Variants in GPLD1 observed in about 807,000 individuals in gnomAD.
GPLD1 encodes the protein phosphatidylinositol-glycan-specific phospholipase D.
GPLD1 carries 84 observed loss-of-function variants against 112.6 expected under a neutral mutation model. The ratio of observed to expected loss-of-function variants is 0.75; its 90% CI spans 0.63 to 0.89. The LOEUF is 0.89. Ranked by LOEUF, GPLD1 falls within the 40% of genes least tolerant of loss-of-function variation. GPLD1 has a pLI of 0.00. For missense variants in GPLD1, 1,044 were observed against 1,051.5 expected (o/e 0.99, Z 0.10); for synonymous variants, 386 against 403.8 (o/e 0.96, Z 0.53).
intron 5 of GPLD1, among the ~76,000 whole-genome samples, chr6:24,474,514 C>T (rs1289788200): frequency 6.6e-6 from 1 of 152,154 alleles, no homozygotes; most frequent in African/African-American, 2.4e-5. Flanking sequence ...TTAAGATATA[C>T]AGCTTGAATA....
chr6:24,429,052 A>T lies in GPLD1; in HGVS notation c.2503T>A (p.Tyr835Asn). The change falls in exon 25 of 25, where the codon TAT (tyrosine) becomes AAT (asparagine). Residue 835 changes from tyrosine to asparagine, a missense_variant. Transcript: ENST00000230036. ...GARLSGALHV[Y>N]SLGSD ...AATCTTCAATCTGAGCCAAGGCTAT[A>T]GACGTGAAGTGCCCCGGAGAGTCGG... 6.2e-7 allele frequency: 1 copy of T among 1,612,904 alleles called. No homozygotes were observed. Among genetic ancestry groups the T allele is most frequent in the Non-Finnish European group, 8.5e-7 (1 of 1,179,002 alleles).
At chr6:24,455,949 T>G (rs1001075987) in intron 13 of GPLD1, among the ~76,000 whole-genome samples, 2 of 152,082 alleles carry the variant, frequency 1.3e-5, no homozygotes, top group Admixed American at 1.3e-4. Flanking sequence ...CTGAGGCAGG[T>G]GGATCGCTTG....
At chr6:24,485,619 A>G (rs1764345156) in intron 2 of GPLD1, among the ~76,000 whole-genome samples, 2 of 152,160 alleles carry the variant, frequency 1.3e-5, no homozygotes, top group Admixed American at 1.3e-4. Flanking sequence ...AATGTCTTAT[A>G]ACATTAATAA....
chr6:24,470,621 G>C (rs576538456), intron 7 of GPLD1, among the ~76,000 whole-genome samples: 3 of 151,322 alleles, frequency 2.0e-5, no homozygotes, highest in Non-Finnish European at 4.4e-5. Context: ...TTTTTGAGAC[G>C]GAGTTTTGCT....
In GPLD1 at chr6:24,428,590, T is replaced by C. The variant is rs994899086; in HGVS notation, c.*442A>G. 1.3e-5 allele frequency: 2 copies of C among 153,094 alleles called. No homozygotes were observed. Among genetic ancestry groups the C allele is most frequent in the Admixed American group, 1.3e-4 (2 of 15,320 alleles). 9.5% of individuals were successfully genotyped at this position (153,094 alleles called of 1,614,324 possible). A position where few individuals can be genotyped will look rare whatever the true frequency, so the allele number is the denominator to read the frequency against. On this transcript the variant is annotated 3_prime_UTR_variant, in exon 25 of 25. Coordinates refer to ENST00000230036, the MANE Select transcript of GPLD1 (RefSeq NM_001503.4). The stretch of plus-strand genomic sequence containing the variant: ...TGTTCTTTCTTTATGGCTGAACAAT[T>C]CTTTTTTTAAAAAAGGATGTTTTTA...
chr6:24,440,536 G>T (rs1036335929), intron 20 of GPLD1, among the ~76,000 whole-genome samples: 1 of 132,208 alleles, frequency 7.6e-6, no homozygotes, highest in Admixed American at 8.7e-5. Flanking sequence ...AAGATGTCAA[G>T]AAGATCTTTT....
chr6:24,452,380 C>T (rs888918396), intron 14 of GPLD1, among the ~76,000 whole-genome samples: 5 of 152,176 alleles, frequency 3.3e-5, no homozygotes, highest in African/African-American at 7.2e-5. Context: ...GGGACTGTGA[C>T]CTTACACACT....
rs1763651551 is a variant in GPLD1, at chr6:24,467,276, T to C, written c.546-2A>G. 5.4e-6 allele frequency: 8 copies of C among 1,493,592 alleles called. No individual in the cohort carries two copies. Among genetic ancestry groups the C allele is most frequent in the Non-Finnish European group, 7.5e-6 (8 of 1,071,214 alleles). The allele number at this position is 1,493,592 out of a possible 1,614,324, so 92.5% of individuals were successfully genotyped here. A position where few individuals can be genotyped will look rare whatever the true frequency, so the allele number is the denominator to read the frequency against. On this transcript the variant is annotated splice_acceptor_variant, in intron 7 of 24. Transcript: ENST00000230036. LOFTEE classifies it high-confidence loss of function. ...AGTAGATCTTTGACTGGCACATACC[T>C]GAAAAATGCAGAATAAAGTAAGAGT... is the stretch of plus-strand genomic sequence containing the variant.
At chr6:24,439,546 C>T (rs1341002531) in intron 20 of GPLD1, among the ~76,000 whole-genome samples, 1 of 152,146 alleles carries the variant, frequency 6.6e-6, no homozygotes, top group Non-Finnish European at 1.5e-5. Flanking sequence ...ATAATTTCAT[C>T]AAAGTGTTTT....
rs1764489951 is a variant in GPLD1 at position 24,489,401 on chromosome 6, A to G, written c.97+14T>C. The G allele has an allele frequency of 1.3e-6, 2 of 1,539,554 alleles. No individual in the cohort carries two copies. Among genetic ancestry groups the G allele is most frequent in the East Asian group, 2.2e-5 (1 of 44,566 alleles). ...ATTGTCCTCTCAACAACATAACAAGACACCAGTACTTACCTATTTCTACGT... is the reference window on the plus strand; with the variant it reads ...ATTGTCCTCTCAACAACATAACAAGGCACCAGTACTTACCTATTTCTACGT... On this transcript the variant is annotated intron_variant, in intron 1 of 24. Coordinates refer to ENST00000230036, the MANE Select transcript of GPLD1 (RefSeq NM_001503.4).
At chr6:24,443,106 G>A (rs879738668) in intron 20 of GPLD1, among the ~76,000 whole-genome samples, 3 of 152,268 alleles carry the variant, frequency 2.0e-5, no homozygotes, top group East Asian at 1.9e-4. Context: ...ACTTGAGACC[G>A]TCATCACAGC....
chr6:24,440,154 T>A (rs536067999), intron 20 of GPLD1, among the ~76,000 whole-genome samples: 1 of 152,214 alleles, frequency 6.6e-6, no homozygotes, highest in East Asian at 1.9e-4. Flanking sequence ...CATATTTGTG[T>A]CTCAGAAAAA....
At chr6:24,487,356 T>C (rs1252178994) in intron 1 of GPLD1, among the ~76,000 whole-genome samples, 3 of 145,000 alleles carry the variant, frequency 2.1e-5, no homozygotes, top group Non-Finnish European at 3.0e-5. Context: ...TCTTCTTCTA[T>C]GTAAAAAAAT....
intron 24 of GPLD1, among the ~76,000 whole-genome samples, chr6:24,430,757 G>A (rs793686): frequency 0.61 from 92,903 of 151,972 alleles, 28,993 homozygotes; most frequent in Middle Eastern, 0.68. Context: ...GATTGTCAAT[G>A]CCCATTTTTG....
At chr6:24,444,634 T>C (rs116443353) in intron 20 of GPLD1, among the ~76,000 whole-genome samples, 5,075 of 152,202 alleles carry the variant, frequency 0.033, 82 homozygotes, top group Middle Eastern at 0.085. Context: ...GAGGATTACT[T>C]GAGCCCAGGA....
intron 15 of GPLD1, 28 bp from the exon 16 acceptor site, chr6:24,448,236 A>G: frequency 6.7e-7 from 1 of 1,487,788 alleles, no homozygotes; most frequent in Non-Finnish European, 9.4e-7. Context: ...GCAGATAGAC[A>G]TGAGGCTCTG....
At position 24,466,959 on chromosome 6, in the gene GPLD1, T is replaced by G. The variant is rs776467495; in HGVS notation, c.654-20A>C. On this transcript the variant is annotated intron_variant, in intron 8 of 24. Coordinates refer to ENST00000230036, the MANE Select transcript of GPLD1 (RefSeq NM_001503.4). ...CCATACCTGCAAAATAAACAATAAT[T>G]TTGGCTGTGAGTTGCAGTTTGTAAC... is the stretch of plus-strand genomic sequence containing the variant. 6.2e-7 allele frequency: 1 copy of G among 1,607,556 alleles called. No individual in the cohort carries two copies. The highest frequency in any genetic ancestry group is 8.5e-7 in the Non-Finnish European group (1 of 1,174,172).
rs779592062 is a variant in GPLD1, at chr6:24,475,231, C to G, written c.331G>C (p.Asp111His). The change falls in exon 5 of 25, where the codon GAC (aspartate) becomes CAC (histidine). Residue 111 changes from aspartate (D) to histidine (H), a missense_variant and splice_region_variant. Coordinates refer to ENST00000230036, the MANE Select transcript of GPLD1 (RefSeq NM_001503.4). ...RENYPLPWEK[D>H]TEKLVAFLFG... ...AAGAAAGCTACCAGTTTCTCTGTGT[C>G]CTGCCAAACAAGCAAATTAGAGTCA... 2 of 1,554,142 alleles carry G rather than the reference C, an allele frequency of 1.3e-6. No homozygotes were observed. The highest frequency in any genetic ancestry group is 1.1e-5 in the South Asian group (1 of 89,784).
chr6:24,481,068 G>A (rs1258950863), intron 2 of GPLD1, among the ~76,000 whole-genome samples: 2 of 152,222 alleles, frequency 1.3e-5, no homozygotes, highest in Admixed American at 6.5e-5. Context: ...CCGTGTATGA[G>A]ACCGTTGAAT....
Sources: gnomAD v4.1 joint callset for allele counts (sites outside exome capture counted in the v4.1 genomes callset) on GRCh38, gnomAD v4.1.1 for gene constraint, MANE v1.5 for transcripts, NCBI Gene and HGNC (gene_info 2026-07-23, HGNC 2026-07-21) for gene names.